NAALADL2: variants seen among roughly 807,000 people sequenced by gnomAD.
NAALADL2 encodes inactive N-acetylated-alpha-linked acidic dipeptidase-like protein 2.
In NAALADL2, 76 loss-of-function variants were observed where a neutral mutation model predicts 87.2. The observed-to-expected ratio is 0.87, with a 90% confidence interval of 0.72 to 1.05. The LOEUF (loss-of-function observed/expected upper bound fraction) is 1.05, where lower values mean the gene tolerates loss of function less well. Among genes scored for constraint, NAALADL2 ranks in the 50% least tolerant of loss-of-function variants. NAALADL2 has a pLI of 0.00. For missense variants in NAALADL2, 1,089 were observed against 945.8 expected (o/e 1.15, Z -1.99); for synonymous variants, 354 against 331.0 (o/e 1.07, Z -0.75).
At chr3:175,681,031 T>G (rs1010699819) in intron 11 of NAALADL2, among the ~76,000 whole-genome samples, 2 of 152,072 alleles carry the variant, frequency 1.3e-5, no homozygotes, top group Non-Finnish European at 2.9e-5. Flanking sequence ...GGGAATCACT[T>G]AAACCCGGGA....
intron 2 of NAALADL2, among the ~76,000 whole-genome samples, chr3:175,206,568 G>GA (rs74383134): frequency 0.086 from 12,988 of 151,438 alleles, 668 homozygotes; most frequent in East Asian, 0.14. Flanking sequence ...GGAAGAGTGG[G>GA]AGGGGGGCGA....
chr3:175,708,082 G>A (rs1291401684), intron 11 of NAALADL2, among the ~76,000 whole-genome samples: 1 of 152,008 alleles, frequency 6.6e-6, no homozygotes. Context: ...GTGACAAGGA[G>A]TTGGCCCATT....
chr3:174,607,363 C>A (rs533246727), intron 2 of NAALADL2, among the ~76,000 whole-genome samples: 11 of 151,588 alleles, frequency 7.3e-5, no homozygotes, highest in Non-Finnish European at 1.5e-4. Context: ...TTAAAAGACA[C>A]AGACTGGCAA....
At chr3:175,335,548 T>C (rs1243832990) in intron 5 of NAALADL2, among the ~76,000 whole-genome samples, 6 of 152,250 alleles carry the variant, frequency 3.9e-5, no homozygotes, top group Non-Finnish European at 7.3e-5. Context: ...AAAACATAGA[T>C]GAGTGCTCCT....
intron 3 of NAALADL2, among the ~76,000 whole-genome samples, chr3:175,250,111 G>A (rs77980650): frequency 0.27 from 41,130 of 150,464 alleles, 6,876 homozygotes; most frequent in South Asian, 0.42. Context: ...GGAGGTTGCC[G>A]TTAGTCAAGA....
intron 11 of NAALADL2, among the ~76,000 whole-genome samples, chr3:175,648,695 T>C (rs915017607): frequency 5.9e-5 from 9 of 152,174 alleles, no homozygotes; most frequent in African/African-American, 1.9e-4. Flanking sequence ...TCCAGAGAAC[T>C]TTCGTTAGAT....
intron 2 of NAALADL2, among the ~76,000 whole-genome samples, chr3:174,669,163 A>G (rs1382509598): frequency 6.6e-6 from 1 of 152,102 alleles, no homozygotes; most frequent in Non-Finnish European, 1.5e-5. Context: ...CATTTCTCTG[A>G]TGGCCAGTGA....
intron 5 of NAALADL2, among the ~76,000 whole-genome samples, chr3:175,352,901 C>T (rs1325178425): frequency 1.3e-5 from 2 of 151,774 alleles, no homozygotes; most frequent in Non-Finnish European, 2.9e-5. Flanking sequence ...TCACAGGTAA[C>T]TGAGTGTTAA....
intron 2 of NAALADL2, among the ~76,000 whole-genome samples, chr3:175,206,996 T>G (rs1233958195): frequency 6.6e-6 from 1 of 152,114 alleles, no homozygotes; most frequent in African/African-American, 2.4e-5. Context: ...ACACATACAC[T>G]GGAGATACAC....
At chr3:174,705,495 C>T (rs1560158884) in intron 2 of NAALADL2, among the ~76,000 whole-genome samples, 1 of 152,204 alleles carries the variant, frequency 6.6e-6, no homozygotes, top group East Asian at 1.9e-4. Flanking sequence ...TTAAAAATTC[C>T]AGTTCTGGGC....
At chr3:175,471,814 A>G in intron 9 of NAALADL2, 56 bp downstream of exon 9, 3 of 1,418,886 alleles carry the variant, frequency 2.1e-6, no homozygotes, top group South Asian at 2.7e-5. Flanking sequence ...TTTTCTCTAT[A>G]TTTTGACATT....
At chr3:175,762,879 C>A (rs1000626167) in intron 13 of NAALADL2, among the ~76,000 whole-genome samples, 2 of 151,904 alleles carry the variant, frequency 1.3e-5, no homozygotes, top group African/African-American at 4.8e-5. Context: ...GGTCGGGAGA[C>A]CGAGACCATC....
At chr3:175,048,015 G>C (rs1026620284) in intron 1 of NAALADL2, among the ~76,000 whole-genome samples, 2 of 152,164 alleles carry the variant, frequency 1.3e-5, no homozygotes, top group African/African-American at 4.8e-5. Context: ...ACTTCATTAA[G>C]ATAATGTGAC....
intron 3 of NAALADL2, among the ~76,000 whole-genome samples, chr3:175,241,333 A>T (rs1380878709): frequency 6.6e-6 from 1 of 151,876 alleles, no homozygotes; most frequent in Non-Finnish European, 1.5e-5. Flanking sequence ...CAATTCTCCT[A>T]CCTTAGCCTC....
chr3:175,039,035 T>C (rs1446888277), intron 1 of NAALADL2, among the ~76,000 whole-genome samples: 2 of 152,198 alleles, frequency 1.3e-5, no homozygotes, highest in African/African-American at 4.8e-5. Flanking sequence ...AGTTGCGGGC[T>C]AGGAGTAGCA....
intron 2 of NAALADL2, among the ~76,000 whole-genome samples, chr3:174,676,402 A>G (rs1033992379): frequency 7.9e-6 from 1 of 126,310 alleles, no homozygotes; most frequent in Non-Finnish European, 1.9e-5. Flanking sequence ...CCAGTATTCT[A>G]TGTGAGCTTT....
intron 2 of NAALADL2, among the ~76,000 whole-genome samples, chr3:175,181,422 C>A (rs145639084): frequency 9.9e-5 from 15 of 151,654 alleles, no homozygotes; most frequent in African/African-American, 3.1e-4. Context: ...ATCATTTATT[C>A]CTCTTGTGTA....
chr3:175,007,350 T>C (rs1196292220), intron 1 of NAALADL2, among the ~76,000 whole-genome samples: 2 of 152,054 alleles, frequency 1.3e-5, no homozygotes, highest in Non-Finnish European at 2.9e-5. Context: ...CAGTAGGCTA[T>C]AGGAGAATAT....
intron 2 of NAALADL2, among the ~76,000 whole-genome samples, chr3:174,602,937 T>G (rs1331481057): frequency 6.6e-6 from 1 of 152,122 alleles, no homozygotes; most frequent in African/African-American, 2.4e-5. Flanking sequence ...CTGATTGATT[T>G]GTGTATGTTG....
Sources: gnomAD v4.1 joint callset for allele counts (sites outside exome capture counted in the v4.1 genomes callset) on GRCh38, gnomAD v4.1.1 for gene constraint, MANE v1.5 for transcripts, NCBI Gene and HGNC (gene_info 2026-07-23, HGNC 2026-07-21) for gene names.